PXDC1: variants seen among roughly 807,000 people sequenced by gnomAD.
PXDC1 encodes PX domain-containing protein 1.
PXDC1 carries 13 observed loss-of-function variants against 24.4 expected under a neutral mutation model. That is an observed-to-expected ratio of 0.53 (90% confidence interval 0.35 to 0.85). The LOEUF (loss-of-function observed/expected upper bound fraction) is 0.85. Among genes scored for constraint, PXDC1 ranks in the 40% least tolerant of loss-of-function variants. The pLI is 0.01. For missense variants in PXDC1, 344 were observed against 309.3 expected (o/e 1.11, Z -0.84); for synonymous variants, 162 against 124.9 (o/e 1.30, Z -1.98).
In PXDC1 at chr6:3,751,581, C is replaced by G. The variant is rs1243794579; in HGVS notation, c.-50G>C. 2.1e-6 allele frequency: 3 copies of G among 1,452,422 alleles called. No homozygotes were observed. Among genetic ancestry groups the G allele is most frequent in the Non-Finnish European group, 2.7e-6 (3 of 1,106,918 alleles). 90.0% of individuals were successfully genotyped at this position (1,452,422 alleles called of 1,614,324 possible). A position where few individuals can be genotyped will look rare whatever the true frequency, so the allele number is the denominator to read the frequency against. On this transcript the variant is annotated 5_prime_UTR_variant, in exon 1 of 5. Transcript: ENST00000380283. ...GCTCCCCAGCCCCGCCGCCCGCCCG[C>G]CCGCAGGAGGCGCGCCCCGGCCGGG... is the stretch of plus-strand genomic sequence containing the variant.
intron 1 of PXDC1, among the ~76,000 whole-genome samples, chr6:3,750,957 G>A (rs13214414): frequency 6.6e-6 from 1 of 152,118 alleles, no homozygotes; most frequent in African/African-American, 2.4e-5. Context: ...GAGCCGCTCA[G>A]CCCCGGGCGC....
intron 1 of PXDC1, among the ~76,000 whole-genome samples, chr6:3,747,453 C>T (rs1231180746): frequency 1.3e-5 from 2 of 152,138 alleles, no homozygotes; most frequent in South Asian, 2.1e-4. Flanking sequence ...AATGTGACCA[C>T]GACCTTCCTC....
intron 3 of PXDC1, among the ~76,000 whole-genome samples, chr6:3,736,403 C>A (rs561910336): frequency 6.6e-6 from 1 of 152,198 alleles, no homozygotes; most frequent in African/African-American, 2.4e-5. Context: ...AGATCGCACA[C>A]AACTGTCACC....
At chr6:3,751,049 T>G (rs987568330) in intron 1 of PXDC1, 11 of 461,694 alleles carry the variant, frequency 2.4e-5, no homozygotes, top group Admixed American at 4.4e-5. Context: ...CCCGCCCCAT[T>G]TGGCTCCTCC....
At chr6:3,731,724 C>T (rs1169049249) in intron 3 of PXDC1, among the ~76,000 whole-genome samples, 1 of 152,226 alleles carries the variant, frequency 6.6e-6, no homozygotes, top group South Asian at 2.1e-4. Flanking sequence ...GTTCCTCCAT[C>T]GTTCCTTGTC....
chr6:3,735,386 A>G (rs2127599645), intron 3 of PXDC1, among the ~76,000 whole-genome samples: 1 of 152,370 alleles, frequency 6.6e-6, no homozygotes, highest in South Asian at 2.1e-4. Flanking sequence ...ATGAATGAGT[A>G]AAGGAAATGT....
Position 3,751,457 on chromosome 6 carries a change from G to GC in PXDC1, c.74dup (p.Arg26GlnfsTer76). 1 of 1,602,352 alleles carries GC rather than the reference G, an allele frequency of 6.2e-7. No homozygotes were observed. Among genetic ancestry groups the GC allele is most frequent in the Admixed American group, 1.7e-5 (1 of 59,206 alleles). ...CGCCGCGCCGGCTGACGATGAGCCT[G>GC]CGGATGCCGTTCACCCAGCAGCCGC... is the stretch of plus-strand genomic sequence containing the variant. On this transcript the variant is annotated frameshift_variant, in exon 1 of 5. Transcript: ENST00000380283. LOFTEE classifies it high-confidence loss of function.
At position 3,727,571 on chromosome 6, in the gene PXDC1, G is replaced by A. The variant is rs759961485; in HGVS notation, c.558C>T (p.Gly186=). 96 of 1,609,392 alleles carry A rather than the reference G, an allele frequency of 6.0e-5. No individual in the cohort carries two copies. Among genetic ancestry groups the A allele is most frequent in the Non-Finnish European group, 7.7e-5 (91 of 1,175,816 alleles). The change falls in exon 4 of 5, where the codon GGC becomes GGT. Residue 186 remains glycine (G), a synonymous_variant. Transcript: ENST00000380283. ...CTTACAAATGCTCTGTTGGGTCCAC[G>A]CCCAGCTGCTGGTCTCTTCCATTTG... ...SIPNGRDQQL[G]VDPTEHLFEN...
chr6:3,742,451 C>G (rs1760468583), intron 1 of PXDC1, among the ~76,000 whole-genome samples: 1 of 152,196 alleles, frequency 6.6e-6, no homozygotes, highest in Admixed American at 6.5e-5. Flanking sequence ...GTTTCACTGC[C>G]TGAGATCGCA....
intron 1 of PXDC1, among the ~76,000 whole-genome samples, chr6:3,749,831 A>G (rs1288707077): frequency 6.6e-6 from 1 of 152,192 alleles, no homozygotes; most frequent in Non-Finnish European, 1.5e-5. Flanking sequence ...ACGCCTGACC[A>G]CAGTGAAGCT....
intron 4 of PXDC1, 21 bp from the exon 5 acceptor site, chr6:3,723,757 G>A (rs1405201967): frequency 1.5e-5 from 24 of 1,592,434 alleles, no homozygotes; most frequent in Non-Finnish European, 2.1e-5. Flanking sequence ...AGAAACCAGA[G>A]GTGAGGGGTG....
chr6:3,723,761 AG>A, intron 4 of PXDC1, 25 bp from the exon 5 acceptor site: 1 of 1,589,134 alleles, frequency 6.3e-7, no homozygotes, highest in Non-Finnish European at 8.6e-7. Flanking sequence ...ACCAGAGGTG[AG>A]GGGTGGCTCA....
rs1245790592 is a variant in PXDC1, at chr6:3,724,328, T to G, written c.579-592A>C. ...GAGAAGCATCCGAACATGGGGGACT[T>G]ACATGGGGTGTGGAGAACTAGGGAA... On this transcript the variant is annotated intron_variant, in intron 4 of 4. Coordinates refer to ENST00000380283, the MANE Select transcript of PXDC1 (RefSeq NM_183373.4). This position sits in a 1 kb window ranked among gnomAD's most constrained non-coding sequence, Gnocchi z 4.5. 1.3e-5 allele frequency among the ~76,000 whole-genome samples: 2 copies of G among 152,004 alleles called. No homozygotes were observed. Among genetic ancestry groups the G allele is most frequent in the African/African-American group, 2.4e-5 (1 of 41,362 alleles).
At chr6:3,738,206 A>G (rs1214344028) in intron 1 of PXDC1, 58 bp from the exon 2 acceptor site, 1 of 1,295,166 alleles carries the variant, frequency 7.7e-7, no homozygotes, top group Non-Finnish European at 1.1e-6. Flanking sequence ...ACGCGCTCCC[A>G]ATGCAATACA....
At chr6:3,733,854 G>T (rs1038141975) in intron 3 of PXDC1, among the ~76,000 whole-genome samples, 1 of 152,102 alleles carries the variant, frequency 6.6e-6, no homozygotes, top group African/African-American at 2.4e-5. Context: ...ATGGCAGCCC[G>T]CCAACATCTG....
In PXDC1 at chr6:3,724,776, G is replaced by A. The variant is rs937804447; in HGVS notation, c.579-1040C>T. Among the ~76,000 whole-genome samples, 2 of 152,238 alleles carry A rather than the reference G, an allele frequency of 1.3e-5. No individual in the cohort carries two copies. The highest frequency in any genetic ancestry group is 4.8e-5 in the African/African-American group (2 of 41,454). ...AGATGACTGCACAGTCCAGGCCCCT[G>A]GCCGGACACACAACAAGGCAGGGCG... On this transcript the variant is annotated intron_variant, in intron 4 of 4. Coordinates refer to ENST00000380283, the MANE Select transcript of PXDC1 (RefSeq NM_183373.4). This position sits in a 1 kb window ranked among gnomAD's most constrained non-coding sequence, Gnocchi z 4.5.
intron 1 of PXDC1, among the ~76,000 whole-genome samples, chr6:3,740,268 G>A (rs769082516): frequency 6.6e-6 from 1 of 152,154 alleles, no homozygotes; most frequent in Non-Finnish European, 1.5e-5. Context: ...GCTCTTGGTT[G>A]GGTTGATAAC....
At chr6:3,744,040 C>T (rs965191557) in intron 1 of PXDC1, among the ~76,000 whole-genome samples, 4 of 152,218 alleles carry the variant, frequency 2.6e-5, no homozygotes, top group Non-Finnish European at 4.4e-5. Context: ...GCTCCTAGAG[C>T]GACTGGGAAA....
intron 1 of PXDC1, among the ~76,000 whole-genome samples, chr6:3,750,302 G>A (rs1760673047): frequency 6.6e-6 from 1 of 152,192 alleles, no homozygotes; most frequent in Non-Finnish European, 1.5e-5. Flanking sequence ...GCTTAGAGGA[G>A]GACTGCAGAA....
Sources: gnomAD v4.1 joint callset for allele counts (sites outside exome capture counted in the v4.1 genomes callset) on GRCh38, gnomAD v4.1.1 for gene constraint, Gnocchi (gnomAD v3.1) non-coding constraint, MANE v1.5 for transcripts, NCBI Gene and HGNC (gene_info 2026-07-23, HGNC 2026-07-21) for gene names.